CDK8: variants seen among roughly 807,000 people sequenced by gnomAD.
CDK8 encodes cyclin-dependent kinase 8.
A neutral mutation model predicts 71.5 loss-of-function variants in CDK8; 29 were observed. The ratio of observed to expected loss-of-function variants is 0.41; its 90% CI spans 0.30 to 0.55. The LOEUF (loss-of-function observed/expected upper bound fraction) is 0.55, where lower values mean the gene tolerates loss of function less well. Among genes scored for constraint, CDK8 ranks in the 20% least tolerant of loss-of-function variants. CDK8 has a pLI of 0.37. For synonymous variants in CDK8, 161 were observed against 192.1 expected (o/e 0.84, Z 1.34); for missense variants, 288 against 572.6 (o/e 0.50, Z 5.07).
intron 1 of CDK8, among the ~76,000 whole-genome samples, chr13:26,323,298 TGA>T (rs10523917): frequency 0.8 from 105,036 of 131,782 alleles, 43,167 homozygotes; most frequent in East Asian, 0.91. Context: ...TCCTCACATG[TGA>T]GAGAGAGAGA....
chr13:26,380,653 A>T (rs190121207), intron 4 of CDK8, among the ~76,000 whole-genome samples: 1,699 of 151,716 alleles, frequency 0.011, 12 homozygotes, highest in South Asian at 0.024. Context: ...AAAAAAAAAA[A>T]TTTTTTTTGT....
chr13:26,404,164 C>T lies in CDK8; in HGVS notation c.*83C>T, dbSNP rs1190728438. 1 of 1,491,696 alleles carries T rather than the reference C, an allele frequency of 6.7e-7. No homozygotes were observed. Among genetic ancestry groups the T allele is most frequent in the African/African-American group, 1.4e-5 (1 of 72,748 alleles). 92.4% of individuals were successfully genotyped at this position (1,491,696 alleles called of 1,614,324 possible). Reference sequence around the variant, plus strand: ...CTCTCTGCGGGAACCTGGTATGGGCCATGAGAATGTACTGTACAACCACAT... The same window carrying T: ...CTCTCTGCGGGAACCTGGTATGGGCTATGAGAATGTACTGTACAACCACAT... On this transcript the variant is annotated 3_prime_UTR_variant, in exon 13 of 13. Transcript: ENST00000381527.
At chr13:26,376,313 T>C (rs907787936) in intron 4 of CDK8, among the ~76,000 whole-genome samples, 2 of 152,210 alleles carry the variant, frequency 1.3e-5, no homozygotes, top group African/African-American at 4.8e-5. Context: ...TCCTTTAAGA[T>C]GCATTTGGTC....
In CDK8 at chr13:26,319,683, C is replaced by CTT. The variant is rs57713231; in HGVS notation, c.129-17870_129-17869dup. On this transcript the variant is annotated intron_variant, in intron 1 of 12. Transcript: ENST00000381527. The stretch of plus-strand genomic sequence containing the variant: ...GCAACAACTATCAAAATCCAAATGG[C>CTT]TTTTTTTTTTTTTTTGCATAAAAAG... Among the ~76,000 whole-genome samples the CTT allele has an allele frequency of 2.5e-3, 345 of 137,506 alleles. 3 individuals are homozygous for CTT. The highest frequency in any genetic ancestry group is 9.5e-3 in the East Asian group (45 of 4,736). The allele number at this position is 137,506 out of a possible 152,430, so 90.2% of individuals were successfully genotyped here.
intron 4 of CDK8, among the ~76,000 whole-genome samples, chr13:26,377,749 G>T (rs923808730): frequency 2.6e-5 from 4 of 151,780 alleles, no homozygotes; most frequent in African/African-American, 9.7e-5. Context: ...CTCTTTAGAA[G>T]ATTACAGTAA....
intron 1 of CDK8, among the ~76,000 whole-genome samples, chr13:26,326,161 T>A (rs1284545160): frequency 1.8e-4 from 27 of 152,250 alleles, no homozygotes; most frequent in Admixed American, 1.8e-3. Flanking sequence ...TCCTGTTTAC[T>A]ATTTTTAGTT....
chr13:26,255,558 G>C (rs936350582), intron 1 of CDK8, among the ~76,000 whole-genome samples: 43 of 152,116 alleles, frequency 2.8e-4, no homozygotes, highest in African/African-American at 9.4e-4. Flanking sequence ...TTCTTAACAG[G>C]CAAGTGAATT....
At chr13:26,356,924 G>A (rs574107745) in intron 4 of CDK8, among the ~76,000 whole-genome samples, 7 of 152,256 alleles carry the variant, frequency 4.6e-5, no homozygotes, top group Non-Finnish European at 1.0e-4. Flanking sequence ...GATTTCTAAT[G>A]CTATGAATTG....
intron 2 of CDK8, among the ~76,000 whole-genome samples, chr13:26,345,401 A>G (rs1682696388): frequency 6.6e-6 from 1 of 152,036 alleles, no homozygotes; most frequent in African/African-American, 2.4e-5. Flanking sequence ...TTTTGTATTG[A>G]GATGGAGCCT....
chr13:26,331,343 T>C (rs1875305628), intron 1 of CDK8, among the ~76,000 whole-genome samples: 1 of 152,216 alleles, frequency 6.6e-6, no homozygotes, highest in Admixed American at 6.5e-5. Flanking sequence ...ATTGTGGATA[T>C]TAGTCCCCTC....
At chr13:26,315,660 C>T (rs1874476555) in intron 1 of CDK8, among the ~76,000 whole-genome samples, 1 of 152,088 alleles carries the variant, frequency 6.6e-6, no homozygotes, top group African/African-American at 2.4e-5. Context: ...AGGATGTTTT[C>T]TGGAATCTGA....
chr13:26,373,590 A>T (rs1291932155), intron 4 of CDK8, among the ~76,000 whole-genome samples: 1 of 152,220 alleles, frequency 6.6e-6, no homozygotes, highest in Non-Finnish European at 1.5e-5. Flanking sequence ...ACTAGAGAAT[A>T]GTTTCACTGA....
At chr13:26,388,047 T>C (rs780004094) in intron 6 of CDK8, among the ~76,000 whole-genome samples, 10 of 152,216 alleles carry the variant, frequency 6.6e-5, no homozygotes, top group Non-Finnish European at 1.5e-4. Flanking sequence ...CTTGTTACTG[T>C]GCAGTTACAC....
intron 1 of CDK8, among the ~76,000 whole-genome samples, chr13:26,330,601 T>C (rs1300131193): frequency 2.6e-5 from 4 of 151,890 alleles, no homozygotes; most frequent in Admixed American, 2.6e-4. Flanking sequence ...CTCTCTGTTA[T>C]CTGTTTTTCC....
chr13:26,330,795 G>A (rs928275018), intron 1 of CDK8, among the ~76,000 whole-genome samples: 7 of 152,126 alleles, frequency 4.6e-5, no homozygotes, highest in Non-Finnish European at 1.0e-4. Context: ...TGGTTGAATA[G>A]TATTCTATAG....
In CDK8 at chr13:26,401,684, G is replaced by A. The variant is rs562494143; in HGVS notation, c.1269+60G>A. On this transcript the variant is annotated intron_variant, in intron 12 of 12. Coordinates refer to ENST00000381527, the MANE Select transcript of CDK8 (RefSeq NM_001260.3). The surrounding 1 kb of genome is among the most constrained non-coding windows in gnomAD (Gnocchi z 4.5). ...AGTGTTTACATATGGGTTTATGATC[G>A]TGGGAAAATGTGATTTAATTGAGAA... 17 of 1,521,436 alleles carry A rather than the reference G, an allele frequency of 1.1e-5. No homozygotes were observed. Among genetic ancestry groups the A allele is most frequent in the African/African-American group, 6.8e-5 (5 of 73,026 alleles). The allele number at this position is 1,521,436 out of a possible 1,614,324, so 94.2% of individuals were successfully genotyped here. A position where few individuals can be genotyped will look rare whatever the true frequency, so the allele number is the denominator to read the frequency against.
chr13:26,342,732 A>G (rs996577218), intron 2 of CDK8, among the ~76,000 whole-genome samples: 2 of 152,194 alleles, frequency 1.3e-5, no homozygotes, highest in Non-Finnish European at 2.9e-5. Flanking sequence ...AAACAACAAC[A>G]ACAAAACACC....
At chr13:26,343,220 G>A (rs1042488832) in intron 2 of CDK8, among the ~76,000 whole-genome samples, 27 of 152,136 alleles carry the variant, frequency 1.8e-4, no homozygotes, top group African/African-American at 6.5e-4. Flanking sequence ...AACCCAGATG[G>A]TAGAACCTAA....
intron 2 of CDK8, among the ~76,000 whole-genome samples, chr13:26,347,749 T>C (rs1442900578): frequency 2.0e-5 from 3 of 152,180 alleles, no homozygotes; most frequent in African/African-American, 4.8e-5. Context: ...TACTTCATAC[T>C]CATTAGGATA....
Sources: allele counts gnomAD v4.1 joint callset (sites outside exome capture counted in the v4.1 genomes callset), GRCh38; gene constraint gnomAD v4.1.1; non-coding constraint Gnocchi (gnomAD v3.1); transcripts MANE v1.5; gene names NCBI Gene and HGNC (gene_info 2026-07-23, HGNC 2026-07-21).